The following CLIC5 variants were observed in gnomAD, a reference collection of about 807,000 sequenced individuals.
The protein encoded by CLIC5 is CLIC family member 5, also known as chloride intracellular channel protein 5.
Under a neutral mutation model 24.7 loss-of-function variants are expected in CLIC5, and 20 were observed. The observed-to-expected ratio is 0.81, with a 90% CI of 0.57 to 1.18. CLIC5 has a LOEUF of 1.18. CLIC5 is among the 50% of genes most tolerant of loss of function. The probability of loss-of-function intolerance (pLI) is 0.00; values close to 1 mark genes in which losing one functional copy is unlikely to be tolerated. For synonymous variants in CLIC5, 159 were observed against 135.6 expected, an observed-to-expected ratio of 1.17 and a Z score of -1.20; for missense variants, 341 against 326.1, an observed-to-expected ratio of 1.05 and a Z score of -0.35.
intron 1 of CLIC5, among the ~76,000 whole-genome samples, chr6:46,036,602 G>A (rs867640952): frequency 6.6e-6 from 1 of 152,146 alleles, no homozygotes; most frequent in East Asian, 1.9e-4. Flanking sequence ...GAGCCACTGC[G>A]CCAGGCCGAC....
intron 1 of CLIC5, among the ~76,000 whole-genome samples, chr6:46,040,483 G>T (rs544556126): frequency 6.6e-6 from 1 of 152,206 alleles, no homozygotes; most frequent in South Asian, 2.1e-4. Flanking sequence ...CGCTGGCATT[G>T]TTGGTAGTGG....
chr6:46,000,384 T>C (rs1194721568), intron 1 of CLIC5, among the ~76,000 whole-genome samples: 4 of 151,734 alleles, frequency 2.6e-5, no homozygotes, highest in Non-Finnish European at 5.9e-5. Flanking sequence ...GTGAGGGGAG[T>C]ATCCATCTGA....
Position 45,899,372 on chromosome 6 carries a change from C to T in CLIC5, c.*3716G>A, listed in dbSNP as rs1274603806. The T allele has an allele frequency of 1.3e-5, 2 of 152,208 alleles. No homozygotes were observed. Among genetic ancestry groups the T allele is most frequent in the African/African-American group, 4.8e-5 (2 of 41,442 alleles). 9.4% of individuals were successfully genotyped at this position (152,208 alleles called of 1,614,324 possible). On this transcript the variant is annotated 3_prime_UTR_variant, in exon 6 of 6. Transcript: ENST00000339561. ...TTTCCTTTTTCCAAGGAGGATGACA[C>T]CAGCATCTTGATTCACCGTGCAGTT...
chr6:45,956,189 A>G (rs16874042), intron 1 of CLIC5, among the ~76,000 whole-genome samples: 3,751 of 152,334 alleles, frequency 0.025, 93 homozygotes, highest in East Asian at 0.086. Flanking sequence ...ATAAAGAATT[A>G]ATTTCAAGCA....
intron 1 of CLIC5, among the ~76,000 whole-genome samples, chr6:45,993,146 T>C (rs935217007): frequency 6.6e-6 from 1 of 152,216 alleles, no homozygotes; most frequent in Non-Finnish European, 1.5e-5. Flanking sequence ...ATGACCTGTT[T>C]TCCAAATCTT....
At chr6:46,062,129 A>T (rs560021572) in intron 1 of CLIC5, among the ~76,000 whole-genome samples, 24 of 152,386 alleles carry the variant, frequency 1.6e-4, no homozygotes, top group African/African-American at 5.5e-4. Flanking sequence ...TTAAACAGCC[A>T]CATGCGCTAA....
At chr6:46,106,499 CT>C in the CLIC5 span, among the ~76,000 whole-genome samples, 1 of 152,124 alleles carries the variant, frequency 6.6e-6, no homozygotes, top group East Asian at 1.9e-4. Flanking sequence ...ACCTGCAATG[CT>C]TTTTTGGGGC....
intron 3 of CLIC5, among the ~76,000 whole-genome samples, chr6:45,945,506 T>C (rs933346216): frequency 6.6e-6 from 1 of 152,140 alleles, no homozygotes; most frequent in Non-Finnish European, 1.5e-5. Context: ...TCTCTCTCCC[T>C]GAAGGAGCCT....
chr6:46,062,849 G>C (rs1184259316), intron 1 of CLIC5, among the ~76,000 whole-genome samples: 2 of 152,138 alleles, frequency 1.3e-5, no homozygotes. Flanking sequence ...TTTTTCTAGA[G>C]TTTTCTAAAG....
Position 45,968,204 on chromosome 6 carries a change from C to T in CLIC5, c.64-12960G>A, listed in dbSNP as rs190330526. Reference sequence around the variant, plus strand: ...ATCTCCACCATCATGCATCTCTAAACCCCTCAGCCACTCTTGGCCAGCATG... The same window carrying T: ...ATCTCCACCATCATGCATCTCTAAATCCCTCAGCCACTCTTGGCCAGCATG... On this transcript the variant is annotated intron_variant, in intron 1 of 5. Transcript: ENST00000339561. Among the ~76,000 whole-genome samples, 870 of 152,314 alleles carry T rather than the reference C, an allele frequency of 5.7e-3. 4 individuals carry two copies. The highest frequency in any genetic ancestry group is 0.01 in the Non-Finnish European group (714 of 68,032).
At chr6:45,933,786 C>G (rs116059113) in intron 4 of CLIC5, among the ~76,000 whole-genome samples, 1 of 152,144 alleles carries the variant, frequency 6.6e-6, no homozygotes, top group African/African-American at 2.4e-5. Context: ...GCGACACACG[C>G]CTGAGGCTGC....
At chr6:45,922,111 T>A (rs894062327) in intron 4 of CLIC5, among the ~76,000 whole-genome samples, 1 of 152,000 alleles carries the variant, frequency 6.6e-6, no homozygotes, top group Non-Finnish European at 1.5e-5. Flanking sequence ...CTACAGAGAG[T>A]GTGCAGCACG....
At chr6:46,069,549 C>A (rs1042636012) in intron 1 of CLIC5, among the ~76,000 whole-genome samples, 5 of 150,924 alleles carry the variant, frequency 3.3e-5, no homozygotes, top group Admixed American at 1.3e-4. Context: ...TAATGCGTTC[C>A]AAAATTGAAT....
upstream of CLIC5, among the ~76,000 whole-genome samples, chr6:46,019,451 C>T (rs571709646): frequency 4.6e-5 from 7 of 151,936 alleles, no homozygotes; most frequent in Middle Eastern, 6.8e-3. Flanking sequence ...CTTTGGGAGG[C>T]CGAGGCGGAT....
chr6:45,941,138 C>A (rs892732216), intron 4 of CLIC5, among the ~76,000 whole-genome samples: 3 of 152,180 alleles, frequency 2.0e-5, no homozygotes, highest in Non-Finnish European at 4.4e-5. Flanking sequence ...GGAAAAATCC[C>A]TGGAGAAACC....
At chr6:45,915,774 C>A (rs1216807398) in intron 4 of CLIC5, among the ~76,000 whole-genome samples, 1 of 152,150 alleles carries the variant, frequency 6.6e-6, no homozygotes, top group Admixed American at 6.5e-5. Flanking sequence ...CACTGAAAAT[C>A]GTTTTGCCCA....
intron 5 of CLIC5, among the ~76,000 whole-genome samples, chr6:45,905,352 C>CT (rs138798917): frequency 2.7e-3 from 410 of 152,250 alleles, no homozygotes; most frequent in African/African-American, 9.1e-3. Flanking sequence ...TAAGTGTTCC[C>CT]TTTTCTCCAC....
At chr6:45,978,522 C>G (rs1561979490) in intron 1 of CLIC5, among the ~76,000 whole-genome samples, 1 of 152,158 alleles carries the variant, frequency 6.6e-6, no homozygotes, top group Non-Finnish European at 1.5e-5. Flanking sequence ...TGCATCAGAA[C>G]CATTTGAAAG....
At chr6:45,987,644 G>A (rs749215012) in intron 1 of CLIC5, among the ~76,000 whole-genome samples, 4 of 152,128 alleles carry the variant, frequency 2.6e-5, no homozygotes, top group Non-Finnish European at 5.9e-5. Context: ...TCAAGATGCC[G>A]GCTAATTTGA....
Sources: gnomAD v4.1 joint callset for allele counts (sites outside exome capture counted in the v4.1 genomes callset) on GRCh38, gnomAD v4.1.1 for gene constraint, MANE v1.5 for transcripts, NCBI Gene and HGNC (gene_info 2026-07-23, HGNC 2026-07-21) for gene names.